MYO1D: variants seen among roughly 807,000 people sequenced by gnomAD.
MYO1D encodes the protein unconventional myosin-Id.
Under a neutral mutation model 122.0 loss-of-function variants are expected in MYO1D, and 83 were observed. The ratio of observed to expected loss-of-function variants is 0.68; its 90% CI spans 0.57 to 0.82. MYO1D has a LOEUF of 0.82. Ranked by LOEUF, MYO1D falls within the 40% of genes least tolerant of loss-of-function variation. MYO1D has a pLI of 0.00. For synonymous variants in MYO1D, 464 were observed against 446.9 expected, an observed-to-expected ratio of 1.04 and a Z score of -0.48; for missense variants, 1,157 against 1,269.5, an observed-to-expected ratio of 0.91 and a Z score of 1.35.
intron 14 of MYO1D, among the ~76,000 whole-genome samples, chr17:32,728,872 G>A (rs2089605975): frequency 6.6e-6 from 1 of 152,176 alleles, no homozygotes; most frequent in Admixed American, 6.5e-5. Context: ...ATAGGAAGTG[G>A]CAATATTGGA....
chr17:32,772,891 A>C, intron 4 of MYO1D, 49 bp from the exon 5 acceptor site: 2 of 1,482,752 alleles, frequency 1.3e-6, no homozygotes, highest in Non-Finnish European at 1.9e-6. Flanking sequence ...TGCCCCTAAA[A>C]TAAAACAGGA....
At chr17:32,790,819 T>C (rs779753244) in intron 1 of MYO1D, among the ~76,000 whole-genome samples, 2 of 152,172 alleles carry the variant, frequency 1.3e-5, no homozygotes, top group African/African-American at 2.4e-5. Context: ...CACACACACA[T>C]TTCCTAACTC....
At chr17:32,565,713 C>T (rs769776072) in intron 21 of MYO1D, among the ~76,000 whole-genome samples, 5 of 132,844 alleles carry the variant, frequency 3.8e-5, no homozygotes, top group Middle Eastern at 3.8e-3. Flanking sequence ...ATTCCACACA[C>T]CTGTTTCAGA....
chr17:32,797,003 G>T (rs1227024965), intron 1 of MYO1D, among the ~76,000 whole-genome samples: 2 of 150,982 alleles, frequency 1.3e-5, no homozygotes, highest in Non-Finnish European at 2.9e-5. Context: ...ATGGAGTGTC[G>T]TTCTATCACC....
chr17:32,583,552 T>G (rs546801437), intron 21 of MYO1D, among the ~76,000 whole-genome samples: 1 of 152,216 alleles, frequency 6.6e-6, no homozygotes, highest in African/African-American at 2.4e-5. Flanking sequence ...TGATGACTTA[T>G]TCATTTTTTG....
chr17:32,527,435 C>G (rs1910377246), intron 21 of MYO1D, among the ~76,000 whole-genome samples: 1 of 152,206 alleles, frequency 6.6e-6, no homozygotes, highest in Non-Finnish European at 1.5e-5. Context: ...TTCTCACTAA[C>G]TTTAAATTCT....
Position 32,840,445 on chromosome 17 carries a change from A to G in MYO1D, c.95+36333T>C, listed in dbSNP as rs936393175. Among the ~76,000 whole-genome samples, 37 of 152,236 alleles carry G rather than the reference A, an allele frequency of 2.4e-4. 1 individual carries two copies. Among genetic ancestry groups the G allele is most frequent in the African/African-American group, 8.7e-4 (36 of 41,470 alleles). On this transcript the variant is annotated intron_variant, in intron 1 of 21. Transcript: ENST00000318217. ...ATTACAGGTGTGTCCGCCAGCCATA[A>G]GCACAGCCTTGTCCATCTCCTTCAA...
At chr17:32,874,887 TA>T (rs1003878942) in intron 1 of MYO1D, among the ~76,000 whole-genome samples, 2,147 of 148,878 alleles carry the variant, frequency 0.014, 46 homozygotes, top group African/African-American at 0.048. Context: ...CTTAATGCTT[TA>T]AAAAAAAAAG....
chr17:32,497,329 T>C (rs1415712466), intron 21 of MYO1D, among the ~76,000 whole-genome samples: 2 of 152,110 alleles, frequency 1.3e-5, no homozygotes, highest in Non-Finnish European at 2.9e-5. Context: ...TGGTGGCCTG[T>C]GCTTGTAATC....
chr17:32,686,997 ACACACACACC>A (rs2089021020), intron 16 of MYO1D, among the ~76,000 whole-genome samples: 1 of 150,338 alleles, frequency 6.7e-6, no homozygotes, highest in African/African-American at 2.5e-5. Context: ...ACACACACAC[ACACACACACC>A]AAAAAACAAA....
chr17:32,809,992 T>C (rs537277454), intron 1 of MYO1D, among the ~76,000 whole-genome samples: 1 of 151,812 alleles, frequency 6.6e-6, no homozygotes. Flanking sequence ...AAGGGCTAAG[T>C]AAAGGGTGAA....
chr17:32,541,948 C>G (rs947353104), intron 21 of MYO1D, among the ~76,000 whole-genome samples: 1 of 152,156 alleles, frequency 6.6e-6, no homozygotes. Context: ...CCTAACTTCA[C>G]CCGGCTAATT....
At chr17:32,527,672 C>A (rs948676101) in intron 21 of MYO1D, among the ~76,000 whole-genome samples, 1 of 151,968 alleles carries the variant, frequency 6.6e-6, no homozygotes, top group Admixed American at 6.6e-5. Context: ...GTGGTATGTG[C>A]CTGTAGTCCC....
intron 21 of MYO1D, among the ~76,000 whole-genome samples, chr17:32,512,512 C>T (rs1289159454): frequency 1.3e-5 from 2 of 152,146 alleles, no homozygotes; most frequent in Non-Finnish European, 1.5e-5. Flanking sequence ...GGACTTCTGC[C>T]TGCTCCCTGC....
chr17:32,680,796 C>G (rs1937151393), intron 16 of MYO1D, among the ~76,000 whole-genome samples: 1 of 152,138 alleles, frequency 6.6e-6, no homozygotes, highest in Non-Finnish European at 1.5e-5. Flanking sequence ...CCCTCTTTTT[C>G]TATTGATTGG....
At chr17:32,574,539 T>C (rs1387021539) in intron 21 of MYO1D, among the ~76,000 whole-genome samples, 1 of 152,242 alleles carries the variant, frequency 6.6e-6, no homozygotes, top group Admixed American at 6.5e-5. Flanking sequence ...ATTCACAGCA[T>C]TTAATTCTCC....
chr17:32,675,342 T>TAATC (rs1202794653), intron 16 of MYO1D, among the ~76,000 whole-genome samples: 6 of 152,180 alleles, frequency 3.9e-5, no homozygotes, highest in African/African-American at 1.4e-4. Context: ...CATAATTAAT[T>TAATC]AATCATGTTA....
chr17:32,854,708 GA>G (rs1201269170), intron 1 of MYO1D, among the ~76,000 whole-genome samples: 2 of 152,122 alleles, frequency 1.3e-5, no homozygotes, highest in Admixed American at 1.3e-4. Context: ...TGAAATTCTT[GA>G]AAGGCATCTG....
At chr17:32,761,369 A>G (rs918017376) in intron 8 of MYO1D, among the ~76,000 whole-genome samples, 2 of 152,202 alleles carry the variant, frequency 1.3e-5, no homozygotes, top group South Asian at 2.1e-4. Flanking sequence ...CAGCACCTCT[A>G]CATAGATACT....
Sources: gnomAD v4.1 joint callset for allele counts (sites outside exome capture counted in the v4.1 genomes callset) on GRCh38, gnomAD v4.1.1 for gene constraint, MANE v1.5 for transcripts, NCBI Gene and HGNC (gene_info 2026-07-23, HGNC 2026-07-21) for gene names.